The following IMPA2 variants were observed in gnomAD, a reference collection of about 807,000 sequenced individuals.
The protein encoded by IMPA2 is IMP 2.
IMPA2 carries 32 observed loss-of-function variants against 35.1 expected under a neutral mutation model. The ratio of observed to expected loss-of-function variants is 0.91; its 90% confidence interval spans 0.69 to 1.23. The LOEUF is 1.23. Ranked by LOEUF, IMPA2 falls within the 50% of genes most tolerant of loss-of-function variation. The probability of loss-of-function intolerance (pLI) is 0.00; values close to 1 mark genes in which losing one functional copy is unlikely to be tolerated. For synonymous variants in IMPA2, 135 were observed against 160.6 expected, an observed-to-expected ratio of 0.84 and a Z score of 1.20; for missense variants, 334 against 387.6, an observed-to-expected ratio of 0.86 and a Z score of 1.16.
intron 1 of IMPA2, among the ~76,000 whole-genome samples, chr18:11,992,117 C>T (rs895183001): frequency 6.6e-6 from 1 of 152,258 alleles, no homozygotes; most frequent in Non-Finnish European, 1.5e-5. Context: ...GCTGGGATTA[C>T]AGGCATGAGC....
At chr18:12,028,717 G>A in intron 6 of IMPA2, 125 bp from the exon 7 acceptor site, 1 of 1,120,358 alleles carries the variant, frequency 8.9e-7, no homozygotes, top group Non-Finnish European at 1.3e-6. Flanking sequence ...AGCTTTGGCA[G>A]AAGTGCTGTG....
intron 2 of IMPA2, among the ~76,000 whole-genome samples, chr18:12,006,858 G>A (rs1295993690): frequency 2.6e-5 from 4 of 152,164 alleles, no homozygotes; most frequent in Non-Finnish European, 4.4e-5. Context: ...CGGGCCAGGC[G>A]TGGTGGCTCA....
chr18:12,009,784 T>A (rs1907380637), intron 2 of IMPA2, 99 bp from the exon 3 acceptor site: 1 of 841,034 alleles, frequency 1.2e-6, no homozygotes, highest in East Asian at 2.4e-5. Context: ...GACATCTGTT[T>A]GCTGTGCCAC....
chr18:12,025,193 T>C (rs762581248), intron 5 of IMPA2, among the ~76,000 whole-genome samples: 27 of 152,222 alleles, frequency 1.8e-4, no homozygotes, highest in Non-Finnish European at 3.1e-4. Context: ...TTCATCCGTA[T>C]CTTGTCATGC....
chr18:11,986,961 G>A (rs982085672), intron 1 of IMPA2, among the ~76,000 whole-genome samples: 11 of 151,060 alleles, frequency 7.3e-5, no homozygotes, highest in Admixed American at 2.0e-4. Flanking sequence ...TTGTATTTTC[G>A]TTAAAGAATG....
At chr18:12,015,259 CTCTT>C (rs1434108872) in intron 5 of IMPA2, among the ~76,000 whole-genome samples, 2 of 152,350 alleles carry the variant, frequency 1.3e-5, no homozygotes, top group East Asian at 1.9e-4. Flanking sequence ...GCCAGTTACA[CTCTT>C]TCTTCTGCTC....
chr18:12,021,020 G>C (rs969302781), intron 5 of IMPA2, among the ~76,000 whole-genome samples: 1 of 151,618 alleles, frequency 6.6e-6, no homozygotes, highest in Non-Finnish European at 1.5e-5. Flanking sequence ...GGAGGGCGGG[G>C]GTGGGGGCTC....
At chr18:12,012,296 C>A in intron 4 of IMPA2, 81 bp downstream of exon 4, 1 of 1,216,528 alleles carries the variant, frequency 8.2e-7, no homozygotes, top group Non-Finnish European at 1.2e-6. Flanking sequence ...AGCCTCTGTG[C>A]GCCTGGTTTG....
chr18:12,019,924 G>A (rs967925454), intron 5 of IMPA2, among the ~76,000 whole-genome samples: 9 of 152,112 alleles, frequency 5.9e-5, no homozygotes, highest in Non-Finnish European at 1.2e-4. Context: ...TGCCCAGTCC[G>A]GAGTGTAGTG....
chr18:11,991,433 G>A lies in IMPA2; in HGVS notation c.97-7621G>A, dbSNP rs558167196. Among the ~76,000 whole-genome samples, 46 of 152,196 alleles carry A rather than the reference G, an allele frequency of 3.0e-4. No homozygotes were observed. Among genetic ancestry groups the A allele is most frequent in the Admixed American group, 2.0e-3 (31 of 15,290 alleles). On this transcript the variant is annotated intron_variant, in intron 1 of 7. Transcript: ENST00000269159. The surrounding 1 kb of genome is among the most constrained non-coding windows in gnomAD (Gnocchi z 4.1). Reference sequence around the variant, plus strand: ...TTGAGGTTGTACAGAGATTTGTGACGCATCAACAGCTGTGAACTGCTGACC... The same window carrying A: ...TTGAGGTTGTACAGAGATTTGTGACACATCAACAGCTGTGAACTGCTGACC...
Position 11,999,073 on chromosome 18 carries a change from C to G in IMPA2, c.116C>G (p.Thr39Ser). 1 of 1,613,532 alleles carries G rather than the reference C, an allele frequency of 6.2e-7. No homozygotes were observed. Among genetic ancestry groups the G allele is most frequent in the Middle Eastern group, 1.7e-4 (1 of 6,058 alleles). ...TTTCAGATCATCAGAAAAGCCCTTACTGAGGAAAAACGTGTCTCAACAAAA... is the reference window on the plus strand; with the variant it reads ...TTTCAGATCATCAGAAAAGCCCTTAGTGAGGAAAAACGTGTCTCAACAAAA... ...RAGQIIRKAL[T>S]EEKRVSTKTS... is the part of the protein sequence containing the mutation. Residue 39 changes from threonine to serine, a missense_variant, in exon 2 of 8, where the codon ACT becomes AGT. Physicochemically the swap from Thr to Ser is moderately conservative, Grantham distance 58 (BLOSUM62 1). Transcript: ENST00000269159.
rs745696570 is a variant in IMPA2 at position 12,028,996 on chromosome 18, G to A, written c.751+3G>A. On this transcript the variant is annotated splice_donor_region_variant and intron_variant, in intron 7 of 7. Coordinates refer to ENST00000269159, the MANE Select transcript of IMPA2 (RefSeq NM_014214.3). Reference sequence around the variant, plus strand: ...CGGCATCGTGATAGACACTTCGGGTGAGCTCTCCTGTCCCTGAAATGCAGC... The same window carrying A: ...CGGCATCGTGATAGACACTTCGGGTAAGCTCTCCTGTCCCTGAAATGCAGC... 6.2e-7 allele frequency: 1 copy of A among 1,612,148 alleles called. No homozygotes were observed. Among genetic ancestry groups the A allele is most frequent in the South Asian group, 1.1e-5 (1 of 91,014 alleles).
intron 1 of IMPA2, among the ~76,000 whole-genome samples, chr18:11,993,752 G>C (rs1264926695): frequency 6.6e-6 from 1 of 152,232 alleles, no homozygotes; most frequent in African/African-American, 2.4e-5. Context: ...CAGGCAGAAG[G>C]TGGCCAGGGA....
Position 12,028,119 on chromosome 18 carries a change from C to T in IMPA2, c.567C>T (p.Asn189=). 6.2e-7 allele frequency: 1 copy of T among 1,613,864 alleles called. No individual in the cohort carries two copies. Among genetic ancestry groups the T allele is most frequent in the Non-Finnish European group, 8.5e-7 (1 of 1,179,752 alleles). Residue 189 remains asparagine, a synonymous_variant, in exon 6 of 8, where the codon AAC becomes AAT. Coordinates refer to ENST00000269159, the MANE Select transcript of IMPA2 (RefSeq NM_014214.3). ...DPATLKLFLS[N]MERLLHAKAH... ...CGACCCTGAAGCTGTTCCTGAGTAA[C>T]ATGGAGCGGCTGCTGCATGCCAAGG...
At chr18:12,016,560 C>T (rs1907584608) in intron 5 of IMPA2, among the ~76,000 whole-genome samples, 1 of 151,976 alleles carries the variant, frequency 6.6e-6, no homozygotes, top group South Asian at 2.1e-4. Context: ...GCTGGGATTA[C>T]AGGTGCGCAC....
At chr18:12,029,111 T>TG in intron 7 of IMPA2, 118 bp downstream of exon 7, 1 of 526,116 alleles carries the variant, frequency 1.9e-6, no homozygotes, top group Admixed American at 5.0e-5. Flanking sequence ...AGTTTCTGTT[T>TG]TTTTTTTTTT....
chr18:12,009,015 GA>G (rs1907357987), intron 2 of IMPA2, among the ~76,000 whole-genome samples: 1 of 152,134 alleles, frequency 6.6e-6, no homozygotes, highest in African/African-American at 2.4e-5. Flanking sequence ...ATGGGGCAGG[GA>G]GCGTCCCAGC....
At chr18:11,987,035 T>TC (rs1906686507) in intron 1 of IMPA2, among the ~76,000 whole-genome samples, 1 of 152,240 alleles carries the variant, frequency 6.6e-6, no homozygotes, top group Non-Finnish European at 1.5e-5. Context: ...CCATCCATCT[T>TC]CCCAGCAGGA....
At position 12,012,148 on chromosome 18, in the gene IMPA2, ACCTTTCTATTTT is replaced by A. The variant is rs1346032879; in HGVS notation, c.336-16_336-5del. The A allele has an allele frequency of 2.5e-6, 4 of 1,613,294 alleles. No individual in the cohort carries two copies. Among genetic ancestry groups the A allele is most frequent in the Non-Finnish European group, 3.4e-6 (4 of 1,179,402 alleles). ...CTGCCGCTCTTGTTCCAGAGAGTAAACCTTTCTATTTTCCTTTGCAGATTCCCGACTGTGGCG... is the reference window on the plus strand; with the variant it reads ...CTGCCGCTCTTGTTCCAGAGAGTAAACCTTTGCAGATTCCCGACTGTGGCG... On this transcript the variant is annotated splice_polypyrimidine_tract_variant and intron_variant, in intron 3 of 7. Transcript: ENST00000269159.
Sources: allele counts gnomAD v4.1 joint callset (sites outside exome capture counted in the v4.1 genomes callset), GRCh38; gene constraint gnomAD v4.1.1; non-coding constraint Gnocchi (gnomAD v3.1); transcripts MANE v1.5; gene names NCBI Gene and HGNC (gene_info 2026-07-23, HGNC 2026-07-21).